The following TMEM276 variants were observed in gnomAD, a reference collection of about 807,000 sequenced individuals.
TMEM276 encodes transmembrane protein 276.
the TMEM276 span, chr8:144,466,379 G>C: frequency 1.1e-6 from 1 of 898,832 alleles, no homozygotes; most frequent in East Asian, 4.7e-5. Flanking sequence ...GCGGGGACGC[G>C]GGGCGGCGCG....
chr8:144,465,074 A>C, the TMEM276 span: 1 of 1,528,416 alleles, frequency 6.5e-7, no homozygotes, highest in Non-Finnish European at 8.8e-7. Context: ...GACTTTCCGG[A>C]TCCCTGAGGC....
the TMEM276 span, chr8:144,466,918 C>A: frequency 6.4e-7 from 1 of 1,571,972 alleles, no homozygotes. Flanking sequence ...GGCTCAAGCA[C>A]GTGACCCGAA....
At chr8:144,464,215 G>C in the TMEM276 span, 2 of 1,613,088 alleles carry the variant, frequency 1.2e-6, no homozygotes, top group Non-Finnish European at 8.5e-7. Context: ...ATCCTCCTTC[G>C]GTAGCAGCAG....
chr8:144,466,599 G>A, the TMEM276 span: 1 of 887,824 alleles, frequency 1.1e-6, no homozygotes. Context: ...GCGGGGGCGG[G>A]CACGGGGCGC....
At chr8:144,467,009 G>A in the TMEM276 span, 5 of 1,596,178 alleles carry the variant, frequency 3.1e-6, no homozygotes, top group Non-Finnish European at 3.4e-6. Flanking sequence ...GGGCCGCGCG[G>A]CCGCGGTGTC....
At chr8:144,467,005 C>A in the TMEM276 span, 1 of 1,595,074 alleles carries the variant, frequency 6.3e-7, no homozygotes, top group Non-Finnish European at 8.5e-7. Flanking sequence ...CCGAGGGCCG[C>A]GCGGCCGCGG....
chr8:144,464,516 C>T, the TMEM276 span: 1 of 1,612,298 alleles, frequency 6.2e-7, no homozygotes, highest in Admixed American at 1.7e-5. Flanking sequence ...ACCCAGGCTC[C>T]AGCAAGGCAG....
At chr8:144,466,413 C>G in the TMEM276 span, 16 of 1,279,240 alleles carry the variant, frequency 1.3e-5, no homozygotes, top group Non-Finnish European at 1.6e-5. Flanking sequence ...TGCCGCCCCG[C>G]GCTCCCATGT....
the TMEM276 span, chr8:144,466,720 CCT>C: frequency 6.8e-7 from 1 of 1,462,210 alleles, no homozygotes; most frequent in Non-Finnish European, 9.1e-7. Flanking sequence ...CAGCAGGCTG[CCT>C]GCCCCCCTCC....
chr8:144,466,367 G>GC, the TMEM276 span: 3 of 762,380 alleles, frequency 3.9e-6, no homozygotes, highest in Non-Finnish European at 5.1e-6. Context: ...CCGAGTCTGG[G>GC]CGCGGGGACG....
chr8:144,465,057 A>C, the TMEM276 span: 1 of 1,531,174 alleles, frequency 6.5e-7, no homozygotes, highest in Admixed American at 2.0e-5. Flanking sequence ...GGAGAAGTTC[A>C]GTCCTAGACT....
the TMEM276 span, chr8:144,464,902 G>A: frequency 5.6e-6 from 9 of 1,611,440 alleles, no homozygotes; most frequent in Non-Finnish European, 7.6e-6. Flanking sequence ...TGGGGGCCAT[G>A]GCACCTCAGG....
chr8:144,464,856 G>C, the TMEM276 span: 626 of 1,612,750 alleles, frequency 3.9e-4, 1 homozygote, highest in Non-Finnish European at 5.0e-4. Flanking sequence ...CCCAGCACCA[G>C]ATGGGACAGG....
the TMEM276 span, chr8:144,465,033 AT>A: frequency 1.3e-6 from 2 of 1,534,846 alleles, no homozygotes; most frequent in Non-Finnish European, 1.7e-6. Flanking sequence ...CCAGGTCCCC[AT>A]TACTGGATGT....
chr8:144,464,646 A>G, the TMEM276 span: 2 of 1,583,554 alleles, frequency 1.3e-6, no homozygotes, highest in Non-Finnish European at 8.6e-7. Flanking sequence ...CACGTGGGAA[A>G]AAGAGGCCGG....
the TMEM276 span, chr8:144,466,386 CGCGA>C: frequency 1.0e-6 from 1 of 990,786 alleles, no homozygotes; most frequent in Non-Finnish European, 1.3e-6. Context: ...CGCGGGGCGG[CGCGA>C]AGCGGGGCCC....
chr8:144,465,861 G>T, the TMEM276 span, among the ~76,000 whole-genome samples: 2 of 113,464 alleles, frequency 1.8e-5, no homozygotes, highest in African/African-American at 3.5e-5. Flanking sequence ...ATGCGATGGG[G>T]GGGTCTGGGC....
chr8:144,463,942 G>C, the TMEM276 span: 44 of 1,471,554 alleles, frequency 3.0e-5, no homozygotes, highest in East Asian at 1.0e-3. Context: ...TTTCATTCTG[G>C]TCTAGACAAG....
the TMEM276 span, chr8:144,465,377 G>C: frequency 4.8e-6 from 5 of 1,034,556 alleles, no homozygotes; most frequent in Middle Eastern, 4.8e-4. Flanking sequence ...CCAACGCAGC[G>C]GCGAGCGGGA....
Sources: allele counts gnomAD v4.1 joint callset (sites outside exome capture counted in the v4.1 genomes callset), GRCh38; gene constraint gnomAD v4.1.1; transcripts MANE v1.5; gene names NCBI Gene and HGNC (gene_info 2026-07-23, HGNC 2026-07-21).